Variants in CDH4 observed in about 807,000 individuals in gnomAD.
CDH4 encodes the protein cadherin 4.
CDH4 carries 33 observed loss-of-function variants against 86.0 expected under a neutral mutation model. The ratio of observed to expected loss-of-function variants is 0.38; its 90% CI spans 0.29 to 0.51. The LOEUF (loss-of-function observed/expected upper bound fraction) is 0.51. Ranked by LOEUF, CDH4 falls within the 20% of genes least tolerant of loss-of-function variation. The pLI is 0.86. For synonymous variants in CDH4, 555 were observed against 549.4 expected (o/e 1.01, Z -0.14); for missense variants, 1,114 against 1,307.4 (o/e 0.85, Z 2.28).
chr20:61,390,284 G>A (rs1290351112), intron 2 of CDH4, among the ~76,000 whole-genome samples: 58 of 138,290 alleles, frequency 4.2e-4, no homozygotes, highest in African/African-American at 1.5e-3. Context: ...CCATAGTGCC[G>A]TGTCTGGGAA....
chr20:61,486,504 A>G (rs1334494701), intron 2 of CDH4, among the ~76,000 whole-genome samples: 2 of 152,254 alleles, frequency 1.3e-5, no homozygotes, highest in Non-Finnish European at 2.9e-5. Context: ...CAGCAAAGCC[A>G]GTGTCCGGCA....
At chr20:61,621,667 C>T (rs945974699) in intron 2 of CDH4, among the ~76,000 whole-genome samples, 2 of 152,216 alleles carry the variant, frequency 1.3e-5, no homozygotes, top group African/African-American at 2.4e-5. Flanking sequence ...AAGCACCCAA[C>T]AGCTGGGCAT....
chr20:61,825,997 C>T (rs1426803716), intron 4 of CDH4, among the ~76,000 whole-genome samples: 4 of 152,240 alleles, frequency 2.6e-5, no homozygotes, highest in Non-Finnish European at 4.4e-5. Flanking sequence ...CCCACTGCCA[C>T]AGCGTGCTCT....
At chr20:61,878,607 C>T (rs969490313) in intron 7 of CDH4, among the ~76,000 whole-genome samples, 7 of 151,482 alleles carry the variant, frequency 4.6e-5, no homozygotes, top group African/African-American at 1.5e-4. Context: ...GACATTGAGG[C>T]GGGCTTCCCT....
At chr20:61,722,906 G>T (rs1199765073) in intron 2 of CDH4, among the ~76,000 whole-genome samples, 2 of 152,168 alleles carry the variant, frequency 1.3e-5, no homozygotes, top group African/African-American at 4.8e-5. Flanking sequence ...CGATGCTGTT[G>T]TGACCTGAGA....
rs2085831037 is a variant in CDH4, at chr20:61,517,557, G to A, written c.170-226006G>A. On this transcript the variant is annotated intron_variant, in intron 2 of 15. Coordinates refer to ENST00000614565, the MANE Select transcript of CDH4 (RefSeq NM_001794.5). The surrounding 1 kb of genome is among the most constrained non-coding windows in gnomAD (Gnocchi z 6.6). ...CTTGTTTATAGTCCCCCCAGTGGAG[G>A]ATGAATTCAAGCACAATTCCTGCCT... Among the ~76,000 whole-genome samples, 1 of 152,130 alleles carries A rather than the reference G, an allele frequency of 6.6e-6. No individual in the cohort carries two copies. The highest frequency in any genetic ancestry group is 6.5e-5 in the Admixed American group (1 of 15,276).
At chr20:61,532,647 C>G (rs1274691101) in intron 2 of CDH4, among the ~76,000 whole-genome samples, 1 of 152,192 alleles carries the variant, frequency 6.6e-6, no homozygotes, top group Non-Finnish European at 1.5e-5. Flanking sequence ...AAAAGCAAAC[C>G]AAAGCACCAC....
intron 2 of CDH4, chr20:61,436,646 G>C (rs897451465): frequency 3.3e-5 from 5 of 152,242 alleles, no homozygotes; most frequent in Non-Finnish European, 7.3e-5. Context: ...TCAGTGTCCA[G>C]GATTTTTATT....
chr20:61,848,150 G>A (rs1600708578), intron 5 of CDH4, among the ~76,000 whole-genome samples: 1 of 152,232 alleles, frequency 6.6e-6, no homozygotes, highest in South Asian at 2.1e-4. Context: ...AGGCTGGTGG[G>A]GACCAGGGAC....
rs202097328 is a variant in CDH4 at position 61,936,699 on chromosome 20, C to T, written c.2545-38C>T. ...CCATCTGATCCCGGGGCTGAGACAA[C>T]GCGTCCTGCACCCTAACTCTGTGTC... On this transcript the variant is annotated intron_variant, in intron 15 of 15. Coordinates refer to ENST00000614565, the MANE Select transcript of CDH4 (RefSeq NM_001794.5). The T allele has an allele frequency of 2.3e-5, 33 of 1,451,030 alleles. No homozygotes were observed. The East Asian group carries it at 2.4e-4, about 10-fold the overall frequency. The allele number at this position is 1,451,030 out of a possible 1,614,324, so 89.9% of individuals were successfully genotyped here.
intron 2 of CDH4, among the ~76,000 whole-genome samples, chr20:61,415,005 A>G (rs1272137477): frequency 6.6e-6 from 1 of 152,172 alleles, no homozygotes; most frequent in East Asian, 1.9e-4. Context: ...CAAAGATTCA[A>G]CCAGCCGGAG....
chr20:61,545,864 GTAGAGGGTATGTGGGATA>G, intron 2 of CDH4, among the ~76,000 whole-genome samples: 1 of 149,682 alleles, frequency 6.7e-6, no homozygotes, highest in South Asian at 2.2e-4. Context: ...GTGCATGTGT[GTAGAGGGTATGTGGGATA>G]CGGTATGTGT....
intron 11 of CDH4, among the ~76,000 whole-genome samples, chr20:61,925,540 G>A (rs969670677): frequency 7.2e-5 from 11 of 152,352 alleles, no homozygotes; most frequent in Non-Finnish European, 1.6e-4. Flanking sequence ...GACTGCCCGG[G>A]CTGCTGTTTG....
chr20:61,911,336 T>G (rs2054848172), intron 9 of CDH4, among the ~76,000 whole-genome samples: 1 of 152,236 alleles, frequency 6.6e-6, no homozygotes, highest in African/African-American at 2.4e-5. Flanking sequence ...AGGCCTATCA[T>G]TATAGTAGTA....
At chr20:61,350,087 C>T (rs1328918056) in intron 2 of CDH4, among the ~76,000 whole-genome samples, 53 of 151,564 alleles carry the variant, frequency 3.5e-4, no homozygotes, top group African/African-American at 1.3e-3. Context: ...CTTGCCTCTC[C>T]CACCCAGCGT....
At chr20:61,330,510 C>T (rs1224388136) in intron 2 of CDH4, among the ~76,000 whole-genome samples, 1 of 152,190 alleles carries the variant, frequency 6.6e-6, no homozygotes, top group African/African-American at 2.4e-5. Flanking sequence ...TTGATTGTCA[C>T]CAGAGCAGCC....
intron 2 of CDH4, among the ~76,000 whole-genome samples, chr20:61,347,580 C>T (rs1008066753): frequency 6.6e-6 from 1 of 152,154 alleles, no homozygotes; most frequent in Non-Finnish European, 1.5e-5. Flanking sequence ...TGAATTAGAC[C>T]TTTCCAGTTT....
chr20:61,301,843 C>T (rs192487595), intron 2 of CDH4, among the ~76,000 whole-genome samples: 12 of 152,276 alleles, frequency 7.9e-5, no homozygotes, highest in South Asian at 2.1e-4. Flanking sequence ...AGAACTAATT[C>T]GTATTGCCAG....
chr20:61,892,457 G>A (rs1984866821), intron 7 of CDH4, among the ~76,000 whole-genome samples: 7 of 152,330 alleles, frequency 4.6e-5, no homozygotes, highest in East Asian at 1.9e-4. Flanking sequence ...CACAATAAAC[G>A]TAAAAGTGCA....
Sources: allele counts gnomAD v4.1 joint callset (sites outside exome capture counted in the v4.1 genomes callset), GRCh38; gene constraint gnomAD v4.1.1; non-coding constraint Gnocchi (gnomAD v3.1); transcripts MANE v1.5; gene names NCBI Gene and HGNC (gene_info 2026-07-23, HGNC 2026-07-21).